The following BTAF1 variants were observed in gnomAD, a reference collection of about 807,000 sequenced individuals.
BTAF1 encodes the protein B-TFIID TATA-box binding protein associated factor 1, also known as TATA-binding protein-associated factor 172.
In BTAF1, 38 loss-of-function variants were observed where a neutral mutation model predicts 227.1. The ratio of observed to expected loss-of-function variants is 0.17; its 90% confidence interval spans 0.13 to 0.22. The LOEUF is 0.22. BTAF1 is among the 10% of genes least tolerant of loss of function. The pLI, the probability that BTAF1 is intolerant of heterozygous loss-of-function variation, is 1.00. For synonymous variants in BTAF1, 742 were observed against 751.9 expected (o/e 0.99, Z 0.21); for missense variants, 1,598 against 2,204.0 (o/e 0.73, Z 5.51).
chr10:91,931,221 A>G (rs1362932343), intron 1 of BTAF1, among the ~76,000 whole-genome samples: 1 of 152,232 alleles, frequency 6.6e-6, no homozygotes, highest in Non-Finnish European at 1.5e-5. Context: ...TCTTTAGAAC[A>G]GTTGCCTGAA....
chr10:91,939,640 G>A (rs1460605621), intron 2 of BTAF1, among the ~76,000 whole-genome samples: 1 of 152,138 alleles, frequency 6.6e-6, no homozygotes, highest in African/African-American at 2.4e-5. Context: ...GTTTCACCAT[G>A]TTGGCCAAGC....
intron 18 of BTAF1, among the ~76,000 whole-genome samples, chr10:91,983,715 G>T (rs1476968988): frequency 6.6e-6 from 1 of 152,174 alleles, no homozygotes; most frequent in Non-Finnish European, 1.5e-5. Flanking sequence ...TTGGTTTGGG[G>T]CAGGCAACAA....
At chr10:91,978,462 T>G (rs1847839515) in intron 14 of BTAF1, among the ~76,000 whole-genome samples, 1 of 152,150 alleles carries the variant, frequency 6.6e-6, no homozygotes, top group Non-Finnish European at 1.5e-5. Context: ...CTGTTATAGC[T>G]TTCCTAATTC....
intron 35 of BTAF1, among the ~76,000 whole-genome samples, 196 bp from the exon 36 acceptor site, chr10:92,026,396 T>C (rs945542945): frequency 2.6e-5 from 4 of 152,222 alleles, no homozygotes; most frequent in African/African-American, 7.2e-5. Flanking sequence ...ATGAAATTCC[T>C]GAATAGCTTT....
intron 9 of BTAF1, 34 bp downstream of exon 9, chr10:91,959,188 A>G (rs1846309700): frequency 1.9e-6 from 3 of 1,613,026 alleles, no homozygotes; most frequent in African/African-American, 2.7e-5. Flanking sequence ...ATCACCAAGT[A>G]TTAATAGTTG....
chr10:91,952,798 A>G (rs1845857270), intron 5 of BTAF1, among the ~76,000 whole-genome samples: 2 of 152,174 alleles, frequency 1.3e-5, no homozygotes, highest in Admixed American at 1.3e-4. Flanking sequence ...GAAATGGGGT[A>G]GAAAGGAAAG....
intron 23 of BTAF1, among the ~76,000 whole-genome samples, chr10:91,995,043 C>G (rs570602703): frequency 6.6e-6 from 1 of 152,234 alleles, no homozygotes; most frequent in South Asian, 2.1e-4. Context: ...AGTCACCTGC[C>G]TAAGGTGAAG....
chr10:91,935,528 T>C, intron 1 of BTAF1, 129 bp from the exon 2 acceptor site: 1 of 954,888 alleles, frequency 1.0e-6, no homozygotes, highest in South Asian at 2.7e-5. Flanking sequence ...CACCATAATG[T>C]CTTTCCGGGG....
At chr10:92,014,145 A>G (rs1488330101) in intron 32 of BTAF1, 116 bp downstream of exon 32, 16 of 1,093,022 alleles carry the variant, frequency 1.5e-5, no homozygotes. Flanking sequence ...AGATGCAGAT[A>G]AAGCCTAAAT....
chr10:92,026,096 G>A (rs1247986901), intron 35 of BTAF1, among the ~76,000 whole-genome samples: 1 of 152,084 alleles, frequency 6.6e-6, no homozygotes, highest in African/African-American at 2.4e-5. Flanking sequence ...ATAATAAATC[G>A]TAGCTTGGTA....
chr10:91,924,170 G>A, intron 1 of BTAF1, 80 bp downstream of exon 1: 1 of 1,554,642 alleles, frequency 6.4e-7, no homozygotes, highest in Non-Finnish European at 8.7e-7. Flanking sequence ...CACTCCTAGA[G>A]AAGAGCGGTT....
At chr10:91,989,061 G>T in intron 19 of BTAF1, 93 bp from the exon 20 acceptor site, 1 of 1,176,484 alleles carries the variant, frequency 8.5e-7, no homozygotes. Flanking sequence ...AACCAAAATT[G>T]AAACAGAAAG....
At chr10:91,958,835 A>G (rs1397750449) in intron 8 of BTAF1, among the ~76,000 whole-genome samples, 1 of 152,242 alleles carries the variant, frequency 6.6e-6, no homozygotes, top group Non-Finnish European at 1.5e-5. Flanking sequence ...GGATTTTAGA[A>G]TAGCTGTTTT....
intron 30 of BTAF1, among the ~76,000 whole-genome samples, chr10:92,013,116 G>A (rs1422675046): frequency 6.6e-6 from 1 of 152,164 alleles, no homozygotes; most frequent in Non-Finnish European, 1.5e-5. Flanking sequence ...GGGTAAAAGG[G>A]TACCTTAGGA....
chr10:91,944,469 T>C (rs1317761722), intron 4 of BTAF1, among the ~76,000 whole-genome samples: 3 of 152,352 alleles, frequency 2.0e-5, no homozygotes, highest in African/African-American at 4.8e-5. Context: ...TGTAAGTGTA[T>C]TGGGGTTGTG....
chr10:91,969,030 A>T (rs937526892), intron 14 of BTAF1, among the ~76,000 whole-genome samples: 2 of 148,096 alleles, frequency 1.4e-5, no homozygotes, highest in Admixed American at 6.7e-5. Flanking sequence ...CTGGCTAATT[A>T]AAAAAAAAAA....
At chr10:91,926,207 T>C (rs1843817710) in intron 1 of BTAF1, among the ~76,000 whole-genome samples, 1 of 152,182 alleles carries the variant, frequency 6.6e-6, no homozygotes, top group South Asian at 2.1e-4. Context: ...TTTAATACTA[T>C]TTTACGTAAA....
chr10:92,005,607 T>G (rs1849823828), intron 25 of BTAF1, among the ~76,000 whole-genome samples: 1 of 152,126 alleles, frequency 6.6e-6, no homozygotes, highest in African/African-American at 2.4e-5. Context: ...TGATTTCTTT[T>G]TTCACATAGA....
At chr10:91,998,114 C>T (rs879236769) in intron 25 of BTAF1, among the ~76,000 whole-genome samples, 4 of 123,884 alleles carry the variant, frequency 3.2e-5, no homozygotes, top group Admixed American at 2.9e-4. Flanking sequence ...TGGGCGACAG[C>T]GAGACTCCAT....
Sources: gnomAD v4.1 joint callset for allele counts (sites outside exome capture counted in the v4.1 genomes callset) on GRCh38, gnomAD v4.1.1 for gene constraint, MANE v1.5 for transcripts, NCBI Gene and HGNC (gene_info 2026-07-23, HGNC 2026-07-21) for gene names.